The following CACNA2D1 variants were observed in gnomAD, a reference collection of about 807,000 sequenced individuals.
CACNA2D1 encodes the protein voltage-dependent calcium channel subunit alpha-2/delta-1.
A neutral mutation model predicts 171.5 loss-of-function variants in CACNA2D1; 53 were observed. The observed-to-expected ratio is 0.31, with a 90% confidence interval of 0.25 to 0.39. The LOEUF (loss-of-function observed/expected upper bound fraction) is 0.39. CACNA2D1 is among the 10% of genes least tolerant of loss of function. The pLI, the probability that CACNA2D1 is intolerant of heterozygous loss-of-function variation, is 1.00. For missense variants in CACNA2D1, 903 were observed against 1,299.8 expected (o/e 0.69, Z 4.69); for synonymous variants, 442 against 443.1 (o/e 1.00, Z 0.03).
At chr7:81,996,933 C>G (rs1372383536) in intron 19 of CACNA2D1, among the ~76,000 whole-genome samples, 1 of 151,932 alleles carries the variant, frequency 6.6e-6, no homozygotes, top group African/African-American at 2.4e-5. Context: ...GAAAATATGT[C>G]TACCTTTAGG....
In CACNA2D1 at chr7:82,418,310, G is replaced by A. The variant is rs1396592990; in HGVS notation, c.95+25055C>T. On this transcript the variant is annotated intron_variant, in intron 1 of 38. Transcript: ENST00000356860. Reference sequence around the variant, plus strand: ...CCCTACCACAACACATGGGGATTATGGGAACTACAATTCAAGATGAGATTT... The same window carrying A: ...CCCTACCACAACACATGGGGATTATAGGAACTACAATTCAAGATGAGATTT... Among the ~76,000 whole-genome samples the A allele has an allele frequency of 2.0e-5, 3 of 152,176 alleles. No individual in the cohort carries two copies. The East Asian group carries it at 5.8e-4, about 29-fold the overall frequency.
At chr7:82,384,471 C>T (rs1824097361) in intron 1 of CACNA2D1, among the ~76,000 whole-genome samples, 1 of 152,090 alleles carries the variant, frequency 6.6e-6, no homozygotes, top group Admixed American at 6.5e-5. Flanking sequence ...CTTGGACTTC[C>T]AGCCTCCAGA....
chr7:82,036,589 T>C (rs568224465), intron 11 of CACNA2D1, among the ~76,000 whole-genome samples: 1 of 152,292 alleles, frequency 6.6e-6, no homozygotes, highest in South Asian at 2.1e-4. Flanking sequence ...AAATATCCTG[T>C]AATGGCACTT....
rs1421438211 is a variant in CACNA2D1 at position 82,111,313 on chromosome 7, T to TATATAC, written c.526+5730_526+5731insGTATAT. Among the ~76,000 whole-genome samples, 866 of 103,316 alleles carry TATATAC rather than the reference T, an allele frequency of 8.4e-3. 13 individuals carry two copies. Among genetic ancestry groups the TATATAC allele is most frequent in the Middle Eastern group, 0.02 (4 of 196 alleles). The allele number at this position is 103,316 out of a possible 152,430, so 67.8% of individuals were successfully genotyped here. On this transcript the variant is annotated intron_variant, in intron 6 of 38. Transcript: ENST00000356860. ...CTGGGTATATATATATATATATATA[T>TATATAC]ACGTGTATATACGCATACACGTATA...
intron 38 of CACNA2D1, among the ~76,000 whole-genome samples, chr7:81,957,552 T>TTAATAACG (rs1793558107): frequency 6.6e-6 from 1 of 152,026 alleles, no homozygotes; most frequent in South Asian, 2.1e-4. Flanking sequence ...GTTGATCCTA[T>TTAATAACG]TAATAACGGG....
chr7:82,013,343 G>T, intron 14 of CACNA2D1, 118 bp downstream of exon 14: 11 of 287,606 alleles, frequency 3.8e-5, no homozygotes, highest in Non-Finnish European at 6.3e-5. Context: ...TTTTAATATA[G>T]GTGTAATATT....
At chr7:82,410,140 T>C (rs1827493554) in intron 1 of CACNA2D1, among the ~76,000 whole-genome samples, 2 of 152,194 alleles carry the variant, frequency 1.3e-5, no homozygotes, top group African/African-American at 4.8e-5. Context: ...CACTTACTTT[T>C]CTCCTGAGTA....
chr7:82,075,647 T>G (rs1157365538), intron 7 of CACNA2D1, among the ~76,000 whole-genome samples: 1 of 152,184 alleles, frequency 6.6e-6, no homozygotes, highest in Non-Finnish European at 1.5e-5. Context: ...CAGGAACAAG[T>G]TTCCTAGTTC....
intron 4 of CACNA2D1, among the ~76,000 whole-genome samples, chr7:82,169,796 C>A (rs1795828593): frequency 6.6e-6 from 1 of 151,774 alleles, no homozygotes; most frequent in Non-Finnish European, 1.5e-5. Context: ...GATTTTCTTT[C>A]ACTACAACTG....
At position 81,962,691 on chromosome 7, in the gene CACNA2D1, A is replaced by G; in HGVS notation, c.2781-196T>C. 2.0e-5 allele frequency among the ~76,000 whole-genome samples: 3 copies of G among 152,084 alleles called. No individual in the cohort carries two copies. In the Middle Eastern group the frequency reaches 0.01, roughly 517 times the overall value. ...GTGTAAAAGAAGTCATGAAATCAGAAGTGTTCAGATCTTGTTCAGGATCAA... is the reference window on the plus strand; with the variant it reads ...GTGTAAAAGAAGTCATGAAATCAGAGGTGTTCAGATCTTGTTCAGGATCAA... On this transcript the variant is annotated intron_variant, in intron 34 of 38. Coordinates refer to ENST00000356860, the MANE Select transcript of CACNA2D1 (RefSeq NM_000722.4).
At chr7:82,199,292 A>C (rs1366305111) in intron 3 of CACNA2D1, among the ~76,000 whole-genome samples, 2 of 152,170 alleles carry the variant, frequency 1.3e-5, no homozygotes, top group Non-Finnish European at 2.9e-5. Context: ...GCTCACAATA[A>C]GAGCAGAAAA....
chr7:82,084,055 G>T (rs954185219), intron 7 of CACNA2D1, among the ~76,000 whole-genome samples: 2 of 152,180 alleles, frequency 1.3e-5, no homozygotes, highest in South Asian at 2.1e-4. Flanking sequence ...AAAAAGTGGA[G>T]AAAGTAAAAA....
At position 82,099,008 on chromosome 7, in the gene CACNA2D1, T is replaced by C. The variant is rs192184774; in HGVS notation, c.527-14108A>G. On this transcript the variant is annotated intron_variant, in intron 6 of 38. Transcript: ENST00000356860. ...AATTTTAAACCAGTAGTTACTCTGATGTAAACATTGATGTTATACTGAAAT... is the reference window on the plus strand; with the variant it reads ...AATTTTAAACCAGTAGTTACTCTGACGTAAACATTGATGTTATACTGAAAT... Among the ~76,000 whole-genome samples the C allele has an allele frequency of 4.6e-3, 695 of 152,358 alleles. 3 individuals are homozygous for C. Among genetic ancestry groups the C allele is most frequent in the Middle Eastern group, 6.8e-3 (2 of 294 alleles).
At chr7:81,987,137 T>C (rs1797053801) in intron 21 of CACNA2D1, among the ~76,000 whole-genome samples, 1 of 152,198 alleles carries the variant, frequency 6.6e-6, no homozygotes, top group African/African-American at 2.4e-5. Flanking sequence ...AAGTCTTTGA[T>C]TGTTATTAAT....
At chr7:82,048,554 CT>C (rs1804817071) in intron 10 of CACNA2D1, among the ~76,000 whole-genome samples, 1 of 151,898 alleles carries the variant, frequency 6.6e-6, no homozygotes, top group East Asian at 1.9e-4. Context: ...TCTCAAAATG[CT>C]TTTTTTATTC....
At chr7:82,234,255 T>C (rs1004496384) in intron 3 of CACNA2D1, among the ~76,000 whole-genome samples, 1 of 152,094 alleles carries the variant, frequency 6.6e-6, no homozygotes, top group Admixed American at 6.6e-5. Flanking sequence ...GATTTAACTA[T>C]CAAAAGCACA....
intron 3 of CACNA2D1, among the ~76,000 whole-genome samples, chr7:82,331,481 A>G (rs1286977683): frequency 6.6e-6 from 1 of 152,202 alleles, no homozygotes; most frequent in African/African-American, 2.4e-5. Flanking sequence ...TCTCTTTGAA[A>G]TAATGTTTTA....
intron 5 of CACNA2D1, among the ~76,000 whole-genome samples, chr7:82,130,975 A>G (rs977370038): frequency 2.0e-5 from 3 of 151,752 alleles, no homozygotes; most frequent in Non-Finnish European, 4.4e-5. Flanking sequence ...TTTTAAAAAA[A>G]TATTTTTTAG....
intron 3 of CACNA2D1, among the ~76,000 whole-genome samples, chr7:82,271,239 TA>T (rs1808594049): frequency 6.6e-6 from 1 of 152,084 alleles, no homozygotes; most frequent in Admixed American, 6.6e-5. Flanking sequence ...AAAAGAAAAG[TA>T]CCACTTTCTC....
Sources: allele counts gnomAD v4.1 joint callset (sites outside exome capture counted in the v4.1 genomes callset), GRCh38; gene constraint gnomAD v4.1.1; transcripts MANE v1.5; gene names NCBI Gene and HGNC (gene_info 2026-07-23, HGNC 2026-07-21).